Variants in SEMA3E observed in about 807,000 individuals in gnomAD.
SEMA3E encodes semaphorin-3E.
Under a neutral mutation model 93.6 loss-of-function variants are expected in SEMA3E, and 49 were observed. The ratio of observed to expected loss-of-function variants is 0.52; its 90% CI spans 0.42 to 0.66. The LOEUF (loss-of-function observed/expected upper bound fraction) is 0.66, where lower values mean the gene tolerates loss of function less well. SEMA3E is among the 30% of genes least tolerant of loss of function. The pLI, the probability that SEMA3E is intolerant of heterozygous loss-of-function variation, is 0.00. For missense variants in SEMA3E, 906 were observed against 964.8 expected, an observed-to-expected ratio of 0.94 and a Z score of 0.81; for synonymous variants, 363 against 330.7, an observed-to-expected ratio of 1.10 and a Z score of -1.06.
chr7:83,476,386 A>G (rs1483875919), intron 2 of SEMA3E, among the ~76,000 whole-genome samples: 1 of 152,200 alleles, frequency 6.6e-6, no homozygotes, highest in Non-Finnish European at 1.5e-5. Context: ...ATTTCTGAGG[A>G]AAGGTAGATG....
chr7:83,594,802 T>G (rs929575427), intron 1 of SEMA3E, among the ~76,000 whole-genome samples: 1 of 151,990 alleles, frequency 6.6e-6, no homozygotes, highest in East Asian at 1.9e-4. Context: ...GTATCCAGAA[T>G]TTGCTGGCCA....
At chr7:83,408,203 T>C (rs142726985) in intron 6 of SEMA3E, among the ~76,000 whole-genome samples, 165 bp downstream of exon 6, 1 of 152,360 alleles carries the variant, frequency 6.6e-6, no homozygotes, top group East Asian at 1.9e-4. Context: ...ATGATGTACA[T>C]ATATTATATA....
chr7:83,639,820 A>G (rs1433287716), intron 1 of SEMA3E, among the ~76,000 whole-genome samples: 1 of 151,830 alleles, frequency 6.6e-6, no homozygotes, highest in African/African-American at 2.4e-5. Context: ...TACCCTTTCC[A>G]CTACAGCATA....
intron 1 of SEMA3E, among the ~76,000 whole-genome samples, chr7:83,640,711 C>A (rs984141820): frequency 2.6e-5 from 4 of 152,108 alleles, no homozygotes; most frequent in Non-Finnish European, 4.4e-5. Flanking sequence ...GAATACATAT[C>A]TTTCACTAAA....
At position 83,363,859 on chromosome 7, in the gene SEMA3E, C is replaced by CTTTTTTTT. The variant is rs1562743425; in HGVS notation, c.*3726_*3727insAAAAAAAA. 2 of 100,558 alleles carry CTTTTTTTT rather than the reference C, an allele frequency of 2.0e-5. No homozygotes were observed. Among genetic ancestry groups the CTTTTTTTT allele is most frequent in the African/African-American group, 9.3e-5 (2 of 21,430 alleles). The allele number at this position is 100,558 out of a possible 1,614,324, so 6.2% of individuals were successfully genotyped here. A position where few individuals can be genotyped will look rare whatever the true frequency, so the allele number is the denominator to read the frequency against. On this transcript the variant is annotated 3_prime_UTR_variant, in exon 17 of 17. Transcript: ENST00000643230. The stretch of plus-strand genomic sequence containing the variant: ...AGGCTACAGGTGTCACAGGTCAATT[C>CTTTTTTTT]ATTTTTTTTTTTTTTTTTTTTTTTT...
intron 1 of SEMA3E, among the ~76,000 whole-genome samples, chr7:83,621,906 C>T (rs1379823394): frequency 6.6e-6 from 1 of 152,118 alleles, no homozygotes; most frequent in African/African-American, 2.4e-5. Flanking sequence ...AAAATCTAAA[C>T]AATACCATTC....
At chr7:83,609,028 T>C (rs1036370233) in intron 1 of SEMA3E, among the ~76,000 whole-genome samples, 2 of 152,106 alleles carry the variant, frequency 1.3e-5, no homozygotes, top group East Asian at 3.9e-4. Context: ...TCTGAGAAAT[T>C]ACTAAGTATT....
intron 1 of SEMA3E, among the ~76,000 whole-genome samples, chr7:83,591,121 A>AAC (rs1554341483): frequency 0.019 from 2,730 of 143,032 alleles, 93 homozygotes; most frequent in African/African-American, 0.077. Flanking sequence ...AAAAAAAAAA[A>AAC]ACAAGAGGAA....
intron 4 of SEMA3E, among the ~76,000 whole-genome samples, chr7:83,447,318 C>T (rs1261403090): frequency 6.6e-6 from 1 of 152,016 alleles, no homozygotes; most frequent in African/African-American, 2.4e-5. Flanking sequence ...GGGTGGATCA[C>T]GAGGTCAGGA....
chr7:83,466,889 A>C (rs1789773519), intron 3 of SEMA3E, among the ~76,000 whole-genome samples: 1 of 152,192 alleles, frequency 6.6e-6, no homozygotes, highest in African/African-American at 2.4e-5. Context: ...AGCACTATTC[A>C]GAAATTTCTT....
chr7:83,514,405 G>A (rs1426685083), intron 1 of SEMA3E, among the ~76,000 whole-genome samples: 1 of 152,032 alleles, frequency 6.6e-6, no homozygotes, highest in East Asian at 1.9e-4. Context: ...CTCTCTTGGG[G>A]TCTGGATCGA....
At chr7:83,519,065 C>T (rs1414888692) in intron 1 of SEMA3E, among the ~76,000 whole-genome samples, 1 of 151,878 alleles carries the variant, frequency 6.6e-6, no homozygotes, top group Non-Finnish European at 1.5e-5. Context: ...TGGTGTGCTG[C>T]ACCCATTAAC....
At chr7:83,440,277 G>C (rs1260346402) in intron 4 of SEMA3E, among the ~76,000 whole-genome samples, 1 of 152,052 alleles carries the variant, frequency 6.6e-6, no homozygotes, top group Non-Finnish European at 1.5e-5. Flanking sequence ...GAGAAGAGGA[G>C]AACATAGGAG....
In SEMA3E at chr7:83,584,143, T is replaced by A. The variant is rs188014883; in HGVS notation, c.115+64285A>T. ...AGAAGGGGATTACAATCAAAGAAAATTACTATATATTAACCATAAAAAACA... is the reference window on the plus strand; with the variant it reads ...AGAAGGGGATTACAATCAAAGAAAAATACTATATATTAACCATAAAAAACA... On this transcript the variant is annotated intron_variant, in intron 1 of 16. Transcript: ENST00000643230. 4.1e-3 allele frequency among the ~76,000 whole-genome samples: 617 copies of A among 152,268 alleles called. 1 individual carries two copies. Among genetic ancestry groups the A allele is most frequent in the Non-Finnish European group, 7.3e-3 (498 of 68,020 alleles).
intron 14 of SEMA3E, among the ~76,000 whole-genome samples, chr7:83,389,904 T>A (rs889348480): frequency 7.8e-6 from 1 of 127,476 alleles, no homozygotes; most frequent in Admixed American, 8.0e-5. Flanking sequence ...ATTACATGTA[T>A]ACATATATAC....
intron 4 of SEMA3E, among the ~76,000 whole-genome samples, chr7:83,443,814 TTTA>T (rs1435049985): frequency 3.3e-5 from 5 of 152,004 alleles, no homozygotes; most frequent in African/African-American, 1.2e-4. Context: ...AGAAGCATCT[TTTA>T]TTGATTTATA....
intron 1 of SEMA3E, among the ~76,000 whole-genome samples, chr7:83,589,457 G>T (rs949196719): frequency 2.0e-5 from 3 of 151,968 alleles, no homozygotes; most frequent in African/African-American, 7.2e-5. Context: ...TTTCACATGG[G>T]GTTGCTCAGC....
At chr7:83,588,859 T>C (rs906145879) in intron 1 of SEMA3E, among the ~76,000 whole-genome samples, 3 of 152,144 alleles carry the variant, frequency 2.0e-5, no homozygotes, top group African/African-American at 7.2e-5. Flanking sequence ...CTAGGGCTAC[T>C]TCTTGAAGCT....
At position 83,450,717 on chromosome 7, in the gene SEMA3E, C is replaced by T. The variant is rs78246293; in HGVS notation, c.456+15765G>A. Reference sequence around the variant, plus strand: ...AAAATCATAGGTTATCTTTTTTTGTCTGTATACTTTTCTTTATTCATTTTA... The same window carrying T: ...AAAATCATAGGTTATCTTTTTTTGTTTGTATACTTTTCTTTATTCATTTTA... On this transcript the variant is annotated intron_variant, in intron 4 of 16. Transcript: ENST00000643230. 6.9e-3 allele frequency among the ~76,000 whole-genome samples: 1,045 copies of T among 151,826 alleles called. 10 individuals carry two copies. The highest frequency in any genetic ancestry group is 0.024 in the African/African-American group (1,014 of 41,428).
Sources: gnomAD v4.1 joint callset for allele counts (sites outside exome capture counted in the v4.1 genomes callset) on GRCh38, gnomAD v4.1.1 for gene constraint, MANE v1.5 for transcripts, NCBI Gene and HGNC (gene_info 2026-07-23, HGNC 2026-07-21) for gene names.